DDC: variants seen among roughly 807,000 people sequenced by gnomAD.
DDC encodes aromatic-L-amino-acid decarboxylase.
A neutral mutation model predicts 60.0 loss-of-function variants in DDC; 43 were observed. The ratio of observed to expected loss-of-function variants is 0.72; its 90% confidence interval spans 0.56 to 0.92. DDC has a LOEUF of 0.92. Among genes scored for constraint, DDC ranks in the 40% least tolerant of loss-of-function variants. DDC has a pLI of 0.00. For synonymous variants in DDC, 232 were observed against 234.6 expected, an observed-to-expected ratio of 0.99 and a Z score of 0.10; for missense variants, 573 against 620.2, an observed-to-expected ratio of 0.92 and a Z score of 0.81.
At chr7:50,490,624 C>G (rs1562997752) in intron 9 of DDC, among the ~76,000 whole-genome samples, 1 of 151,798 alleles carries the variant, frequency 6.6e-6, no homozygotes. Context: ...GAGCTGAGAT[C>G]ATGCCACTGA....
intron 9 of DDC, 80 bp from the exon 10 acceptor site, chr7:50,479,943 C>G: frequency 9.1e-7 from 1 of 1,102,206 alleles, no homozygotes; most frequent in Non-Finnish European, 1.3e-6. Flanking sequence ...CCACCTGCCT[C>G]AGCTCAGGCA....
At chr7:50,463,553 T>C (rs1562977860) in intron 13 of DDC, 122 bp from the exon 14 acceptor site, 5 of 829,160 alleles carry the variant, frequency 6.0e-6, no homozygotes, top group East Asian at 2.5e-5. Flanking sequence ...CGACTAACCA[T>C]CCCCCTTGCG....
In DDC at chr7:50,463,266, G is replaced by A. The variant is rs1265566348; in HGVS notation, c.1408C>T (p.Leu470=). 1 of 1,613,994 alleles carries A rather than the reference G, an allele frequency of 6.2e-7. No individual in the cohort carries two copies. Among genetic ancestry groups the A allele is most frequent in the Non-Finnish European group, 8.5e-7 (1 of 1,179,996 alleles). The part of the protein sequence containing the change: ...VQRAWEHIKE[L]AADVLRAERE ...TCTGCTCGCAGCACGTCGGCCGCCA[G>A]CTCTTTGATGTGTTCCCAGGCCCGC... Residue 470 remains leucine (L), a synonymous_variant, in exon 14 of 15, where the codon CTG becomes TTG. Transcript: ENST00000444124.
chr7:50,533,587 A>C (rs2044289390), intron 4 of DDC, among the ~76,000 whole-genome samples: 1 of 152,192 alleles, frequency 6.6e-6, no homozygotes, highest in African/African-American at 2.4e-5. Context: ...GAGCCACCAC[A>C]CCAGGTCCAT....
chr7:50,554,222 C>T (rs6949897), intron 1 of DDC, among the ~76,000 whole-genome samples: 48,928 of 151,850 alleles, frequency 0.32, 8,547 homozygotes, highest in East Asian at 0.48. Flanking sequence ...TCCAGTGCTG[C>T]TGGGAAGATG....
At chr7:50,554,611 G>A (rs1030950781) in intron 1 of DDC, among the ~76,000 whole-genome samples, 2 of 152,070 alleles carry the variant, frequency 1.3e-5, no homozygotes, top group African/African-American at 4.8e-5. Context: ...ACAAGACTTA[G>A]GTAGCGCTGA....
chr7:50,543,750 T>C (rs2044711223), intron 2 of DDC, 135 bp downstream of exon 2: 2 of 891,870 alleles, frequency 2.2e-6, no homozygotes, highest in Non-Finnish European at 3.6e-6. Flanking sequence ...AGTTGTAAAA[T>C]AGAAATGACA....
At chr7:50,482,241 A>G (rs11980368) in intron 9 of DDC, among the ~76,000 whole-genome samples, 74,972 of 152,086 alleles carry the variant, frequency 0.49, 19,212 homozygotes, top group Admixed American at 0.6. Flanking sequence ...TGAAGAGACT[A>G]TTGTAAACAA....
At chr7:50,532,602 T>C (rs544983366) in intron 4 of DDC, among the ~76,000 whole-genome samples, 21 of 152,296 alleles carry the variant, frequency 1.4e-4, no homozygotes, top group Middle Eastern at 3.4e-3. Context: ...CATAATCCAA[T>C]CAATCTTCAT....
At chr7:50,467,865 C>T (rs1338357045) in intron 12 of DDC, among the ~76,000 whole-genome samples, 1 of 152,340 alleles carries the variant, frequency 6.6e-6, no homozygotes, top group South Asian at 2.1e-4. Flanking sequence ...CTGTGGCTGC[C>T]ACAGCTGTTG....
chr7:50,542,879 A>T (rs914982795), intron 2 of DDC: 1 of 152,246 alleles, frequency 6.6e-6, no homozygotes, highest in South Asian at 2.1e-4. Flanking sequence ...CCAGGGCCTG[A>T]GGCCTAGTCT....
chr7:50,555,807 T>G (rs997345489), intron 1 of DDC, among the ~76,000 whole-genome samples: 6 of 152,106 alleles, frequency 3.9e-5, no homozygotes, highest in Non-Finnish European at 5.9e-5. Flanking sequence ...GAACCAAGAC[T>G]CCACACCTGC....
chr7:50,469,284 G>A (rs1288584840), intron 12 of DDC, among the ~76,000 whole-genome samples: 1 of 151,152 alleles, frequency 6.6e-6, no homozygotes, highest in African/African-American at 2.4e-5. Flanking sequence ...AAAAGCAGGG[G>A]AGTGGGGCTT....
chr7:50,492,606 T>C, intron 9 of DDC: 1 of 946,106 alleles, frequency 1.1e-6, no homozygotes, highest in Non-Finnish European at 1.4e-6. Context: ...CCCATCACCC[T>C]TCTCTTGTGG....
At chr7:50,504,348 A>G (rs985871406) in intron 6 of DDC, among the ~76,000 whole-genome samples, 1 of 152,316 alleles carries the variant, frequency 6.6e-6, no homozygotes, top group African/African-American at 2.4e-5. Flanking sequence ...ACATGAAGCA[A>G]TCTACCACCT....
At chr7:50,503,757 T>C (rs1003492176) in intron 7 of DDC, among the ~76,000 whole-genome samples, 11 of 152,220 alleles carry the variant, frequency 7.2e-5, no homozygotes, top group Non-Finnish European at 1.5e-4. Context: ...GCTCGGATTT[T>C]TTTTCTTACA....
At chr7:50,477,715 G>A (rs903627138) in intron 10 of DDC, 3 of 328,840 alleles carry the variant, frequency 9.1e-6, no homozygotes, top group Non-Finnish European at 1.2e-5. Context: ...GTGACCCTGA[G>A]ATGGAAGCCC....
At chr7:50,523,931 T>C (rs1398997929) in intron 6 of DDC, among the ~76,000 whole-genome samples, 2 of 152,212 alleles carry the variant, frequency 1.3e-5, no homozygotes, top group Admixed American at 1.3e-4. Flanking sequence ...TGTCCTTCAA[T>C]AGATAAATGC....
At chr7:50,510,777 C>T (rs529305147) in intron 6 of DDC, among the ~76,000 whole-genome samples, 4 of 151,172 alleles carry the variant, frequency 2.6e-5, no homozygotes, top group Admixed American at 6.6e-5. Flanking sequence ...GTCAGGAGAT[C>T]GAGACCATCC....
Sources: allele counts gnomAD v4.1 joint callset (sites outside exome capture counted in the v4.1 genomes callset), GRCh38; gene constraint gnomAD v4.1.1; transcripts MANE v1.5; gene names NCBI Gene and HGNC (gene_info 2026-07-23, HGNC 2026-07-21).